The following FDXACB1 variants were observed in gnomAD, a reference collection of about 807,000 sequenced individuals.
FDXACB1 encodes the protein ferredoxin-fold anticodon binding domain containing 1.
FDXACB1 carries 41 observed loss-of-function variants against 51.7 expected under a neutral mutation model. That is an observed-to-expected ratio of 0.79 (90% CI 0.62 to 1.03). The LOEUF (loss-of-function observed/expected upper bound fraction) is 1.03, where lower values mean the gene tolerates loss of function less well. Among genes scored for constraint, FDXACB1 ranks in the 50% least tolerant of loss-of-function variants. The pLI is 0.00. For missense variants in FDXACB1, 697 were observed against 746.4 expected, an observed-to-expected ratio of 0.93 and a Z score of 0.77; for synonymous variants, 273 against 278.6, an observed-to-expected ratio of 0.98 and a Z score of 0.20.
In FDXACB1 at chr11:111,874,757, TC is replaced by T; in HGVS notation, c.*164del. On this transcript the variant is annotated 3_prime_UTR_variant, in exon 5 of 5. Coordinates refer to ENST00000260257, the MANE Select transcript of FDXACB1 (RefSeq NM_138378.3). ...GCCTGGGCGGCAGAGCAAGACTCCGTCTCAAAAAAAAAAAAAAAAAAAGATC... is the reference window on the plus strand; with the variant it reads ...GCCTGGGCGGCAGAGCAAGACTCCGTTCAAAAAAAAAAAAAAAAAAAGATC... 1.6e-6 allele frequency: 1 copy of T among 632,268 alleles called. No homozygotes were observed. Among genetic ancestry groups the T allele is most frequent in the African/African-American group, 2.2e-5 (1 of 44,526 alleles). 39.2% of individuals were successfully genotyped at this position (632,268 alleles called of 1,614,324 possible). A position where few individuals can be genotyped will look rare whatever the true frequency, so the allele number is the denominator to read the frequency against.
chr11:111,876,505 T>C lies in FDXACB1; in HGVS notation c.668A>G (p.Glu223Gly), dbSNP rs1004782244. The C allele has an allele frequency of 5.6e-6, 9 of 1,613,642 alleles. No individual in the cohort carries two copies. The highest frequency in any genetic ancestry group is 3.3e-5 in the Admixed American group (2 of 59,908). Residue 223 changes from glutamate to glycine, a missense_variant, in exon 4 of 5, where the codon GAA becomes GGA. Glu to Gly is a moderately conservative substitution (Grantham distance 98). Around this residue, in one of 3 missense-constraint regions of FDXACB1, gnomAD observed 538 missense variants for 592.2 expected, o/e 0.91. Coordinates refer to ENST00000260257, the MANE Select transcript of FDXACB1 (RefSeq NM_138378.3). ...CCTGTTCAACTTTCCTACAAGTGCT[T>C]CTGGTTCTGGAAAGGAAAACCACTG... Reference protein sequence around the residue: ...GNQWFSFPEPEALVGKLNRGF... With the variant: ...GNQWFSFPEPGALVGKLNRGF...
At position 111,876,839 on chromosome 11, in the gene FDXACB1, C is replaced by T. The variant is rs2137346373; in HGVS notation, c.502G>A (p.Ala168Thr). ...CCAGTGCACTTGTACCCTGCCACAGCCTTACAGCTGAATGGATACACGTCG... is the reference window on the plus strand; with the variant it reads ...CCAGTGCACTTGTACCCTGCCACAGTCTTACAGCTGAATGGATACACGTCG... ...LSDVYPFSCK[A>T]VAGYKCTGYR... is the part of the protein sequence containing the mutation. Residue 168 changes from alanine (A) to threonine (T), a missense_variant, in exon 3 of 5, where the codon GCT becomes ACT. Physicochemically the swap from Ala to Thr is moderately conservative, Grantham distance 58. Transcript: ENST00000260257. 1 of 1,613,970 alleles carries T rather than the reference C, an allele frequency of 6.2e-7. No individual in the cohort carries two copies. The highest frequency in any genetic ancestry group is 8.5e-7 in the Non-Finnish European group (1 of 1,179,880).
Position 111,876,617 on chromosome 11 carries a change from C to T in FDXACB1, c.556G>A (p.Val186Ile). ...GYRSQDKSFH[V>I]EGALNHIFTR... ...AAGATATGGTTCAAAGCACCTTCTACATGAAAGGACTTATCTTGACTCCTG... is the reference window on the plus strand; with the variant it reads ...AAGATATGGTTCAAAGCACCTTCTATATGAAAGGACTTATCTTGACTCCTG... Residue 186 changes from valine to isoleucine, a missense_variant, in exon 4 of 5, where the codon GTA (valine) becomes ATA (isoleucine). Physicochemically the swap from Val to Ile is conservative, Grantham distance 29 (BLOSUM62 3). Coordinates refer to ENST00000260257, the MANE Select transcript of FDXACB1 (RefSeq NM_138378.3). The T allele has an allele frequency of 1.2e-6, 2 of 1,613,672 alleles. No homozygotes were observed. Among genetic ancestry groups the T allele is most frequent in the Non-Finnish European group, 1.7e-6 (2 of 1,179,802 alleles).
At chr11:111,877,512 CTTTTTT>C (rs35506169) in intron 2 of FDXACB1, among the ~76,000 whole-genome samples, 8 of 106,912 alleles carry the variant, frequency 7.5e-5, no homozygotes, top group African/African-American at 2.5e-4. Flanking sequence ...CTGTTAGTTA[CTTTTTT>C]TTTTTTTTTT....
Position 111,874,809 on chromosome 11 carries a change from G to T in FDXACB1, c.*113C>A. 3.8e-5 allele frequency: 28 copies of T among 735,870 alleles called. No homozygotes were observed. The highest frequency in any genetic ancestry group is 5.8e-5 in the Non-Finnish European group (27 of 468,304). The allele number at this position is 735,870 out of a possible 1,614,324, so 45.6% of individuals were successfully genotyped here. On this transcript the variant is annotated 3_prime_UTR_variant, in exon 5 of 5. Coordinates refer to ENST00000260257, the MANE Select transcript of FDXACB1 (RefSeq NM_138378.3). ...AACGAACAGTAGCTATGGTCACAAA[G>T]TAAAAGATTTTACAAAAACAAAAAT... is the stretch of plus-strand genomic sequence containing the variant.
At position 111,879,028 on chromosome 11, in the gene FDXACB1, G is replaced by T; in HGVS notation, c.105C>A (p.Leu35=). The part of the protein sequence containing the change: ...DQSTQLTATC[L]QRPAELARDP... ...CCCGAGCCAACTCGGCCGGGCGCTG[G>T]AGGCAGGTGGCGGTAAGTTGAGTGC... The change falls in exon 1 of 5, where the codon CTC becomes CTA. Residue 35 remains leucine, a synonymous_variant. Transcript: ENST00000260257. 1 of 1,613,568 alleles carries T rather than the reference G, an allele frequency of 6.2e-7. No homozygotes were observed. Among genetic ancestry groups the T allele is most frequent in the Non-Finnish European group, 8.5e-7 (1 of 1,179,784 alleles).
Position 111,875,483 on chromosome 11 carries a change from T to C in FDXACB1, c.1314A>G (p.Lys438=). The change falls in exon 5 of 5, where the codon AAA becomes AAG. Residue 438 remains lysine, a synonymous_variant. Transcript: ENST00000260257. The part of the protein sequence containing the change: ...PESSKLSSLV[K]FVLQSNGKDY... ...CCTTTCCATTTGACTGAAGGACAAA[T>C]TTGACTAAACTGCTCAGCTTAGAGC... 1 of 1,612,494 alleles carries C rather than the reference T, an allele frequency of 6.2e-7. No homozygotes were observed. The highest frequency in any genetic ancestry group is 8.5e-7 in the Non-Finnish European group (1 of 1,179,708).
In FDXACB1 at chr11:111,878,597, G is replaced by A. The variant is rs782129411; in HGVS notation, c.288C>T (p.Gly96=). The A allele has an allele frequency of 1.9e-6, 3 of 1,601,914 alleles. No homozygotes were observed. Among genetic ancestry groups the A allele is most frequent in the Non-Finnish European group, 2.6e-6 (3 of 1,173,952 alleles). ...FIFPHCGRKA[G]VAKNRELLAK... is the part of the protein sequence containing the mutation. The stretch of plus-strand genomic sequence containing the variant: ...CAAGCAGTTCCCTGTTCTTAGCTAC[G>A]CCAGCTTTGCGTCCACAATGCGGGA... The change falls in exon 2 of 5, where the codon GGC becomes GGT. Residue 96 remains glycine (G), a synonymous_variant. Coordinates refer to ENST00000260257, the MANE Select transcript of FDXACB1 (RefSeq NM_138378.3).
In FDXACB1 at chr11:111,875,954, A is replaced by G; in HGVS notation, c.843T>C (p.Asn281=). Reference sequence around the variant, plus strand: ...AAAAAGCAGCTGACAGAAAGTCACAATTCCAGAAAGGAAGAACACTGGTAC... The same window carrying G: ...AAAAAGCAGCTGACAGAAAGTCACAGTTCCAGAAAGGAAGAACACTGGTAC... The part of the protein sequence containing the change: ...QEGTSVLPFW[N]CDFLSAAFWI... Residue 281 remains asparagine, a synonymous_variant, in exon 5 of 5, where the codon AAT becomes AAC. Coordinates refer to ENST00000260257, the MANE Select transcript of FDXACB1 (RefSeq NM_138378.3). 1.2e-6 allele frequency: 2 copies of G among 1,614,012 alleles called. No homozygotes were observed. The highest frequency in any genetic ancestry group is 8.5e-7 in the Non-Finnish European group (1 of 1,179,894).
At chr11:111,878,204 T>A (rs540698100) in intron 2 of FDXACB1, among the ~76,000 whole-genome samples, 1 of 151,988 alleles carries the variant, frequency 6.6e-6, no homozygotes, top group East Asian at 1.9e-4. Context: ...AAAATAAAAA[T>A]AAATAAAAAT....
In FDXACB1 at chr11:111,875,434, G is replaced by A. The variant is rs372105197; in HGVS notation, c.1363C>T (p.His455Tyr). ...GKDYMIRVKTHNFSPDCTEDL... is the reference protein window; with the variant it reads ...GKDYMIRVKTYNFSPDCTEDL... ...TCAGTACAATCTGGGCTAAAATTATGAGTCTTCACACGAATCATATAATCC... is the reference window on the plus strand; with the variant it reads ...TCAGTACAATCTGGGCTAAAATTATAAGTCTTCACACGAATCATATAATCC... The change falls in exon 5 of 5, where the codon CAT (histidine) becomes TAT (tyrosine). Residue 455 changes from histidine to tyrosine, a missense_variant. Transcript: ENST00000260257. The A allele has an allele frequency of 1.9e-6, 3 of 1,613,164 alleles. No homozygotes were observed. The highest frequency in any genetic ancestry group is 2.5e-6 in the Non-Finnish European group (3 of 1,179,828).
At position 111,875,422 on chromosome 11, in the gene FDXACB1, G is replaced by C. The variant is rs782289410; in HGVS notation, c.1375C>G (p.Pro459Ala). ...ATAATTAGATCCTCAGTACAATCTG[G>C]GCTAAAATTATGAGTCTTCACACGA... ...MIRVKTHNFS[P>A]DCTEDLIIGS... Residue 459 changes from proline (P) to alanine (A), a missense_variant, in exon 5 of 5, where the codon CCA becomes GCA. Pro to Ala is a conservative substitution (Grantham distance 27). Transcript: ENST00000260257. 1.2e-6 allele frequency: 2 copies of C among 1,613,242 alleles called. No homozygotes were observed. Among genetic ancestry groups the C allele is most frequent in the Admixed American group, 1.7e-5 (1 of 59,880 alleles).
intron 2 of FDXACB1, among the ~76,000 whole-genome samples, chr11:111,878,199 A>T (rs1299855775): frequency 6.6e-6 from 1 of 152,108 alleles, no homozygotes; most frequent in African/African-American, 2.4e-5. Context: ...CTCAAAAAAT[A>T]AAAATAAATA....
Position 111,879,020 on chromosome 11 carries a change from G to C in FDXACB1, c.113C>G (p.Pro38Arg). 6.2e-7 allele frequency: 1 copy of C among 1,613,330 alleles called. No individual in the cohort carries two copies. ...CAGTGGATCCCGAGCCAACTCGGCC[G>C]GGCGCTGGAGGCAGGTGGCGGTAAG... ...TQLTATCLQR[P>R]AELARDPLAW... The change falls in exon 1 of 5, where the codon CCG becomes CGG. Residue 38 changes from proline to arginine, a missense_variant. Physicochemically the swap from Pro to Arg is moderately radical, Grantham distance 103. Transcript: ENST00000260257.
chr11:111,877,147 C>T (rs1964833526), intron 2 of FDXACB1, 136 bp from the exon 3 acceptor site: 3 of 848,368 alleles, frequency 3.5e-6, no homozygotes, highest in Non-Finnish European at 5.3e-6. Context: ...TCTATTAGAC[C>T]TCAAAAAATG....
intron 4 of FDXACB1, among the ~76,000 whole-genome samples, 159 bp from the exon 5 acceptor site, chr11:111,876,263 C>T (rs782502046): frequency 6.6e-6 from 1 of 152,194 alleles, no homozygotes; most frequent in Non-Finnish European, 1.5e-5. Flanking sequence ...GAGAAACAGA[C>T]GTGTATTTCA....
intron 2 of FDXACB1, among the ~76,000 whole-genome samples, chr11:111,877,440 T>C (rs1483800660): frequency 2.0e-5 from 3 of 152,122 alleles, no homozygotes; most frequent in African/African-American, 7.2e-5. Flanking sequence ...CCTCCAATAG[T>C]ATCATGTCTT....
intron 2 of FDXACB1, among the ~76,000 whole-genome samples, chr11:111,878,178 C>G (rs995639409): frequency 3.3e-5 from 5 of 151,710 alleles, no homozygotes; most frequent in Non-Finnish European, 5.9e-5. Context: ...GGCGACAGGG[C>G]GAGACTCTGT....
Position 111,875,721 on chromosome 11 carries a change from A to G in FDXACB1, c.1076T>C (p.Ile359Thr), listed in dbSNP as rs1964799077. 6.2e-7 allele frequency: 1 copy of G among 1,613,692 alleles called. No individual in the cohort carries two copies. Among genetic ancestry groups the G allele is most frequent in the African/African-American group, 1.3e-5 (1 of 75,016 alleles). The change falls in exon 5 of 5, where the codon ATC (isoleucine) becomes ACC (threonine). Residue 359 changes from isoleucine (I) to threonine (T), a missense_variant. Coordinates refer to ENST00000260257, the MANE Select transcript of FDXACB1 (RefSeq NM_138378.3). ...PSLLVHVQDV[I>T]EVPDFLSGSL... is the part of the protein sequence containing the mutation. ...ACCTGAGAGGAAGTCTGGTACTTCG[A>G]TGACATCCTGAACATGCACTAGGAG...
Sources: gnomAD v4.1 joint callset for allele counts (sites outside exome capture counted in the v4.1 genomes callset) on GRCh38, gnomAD v4.1.1 for gene constraint, gnomAD v4.1.1 regional missense constraint, MANE v1.5 for transcripts, NCBI Gene and HGNC (gene_info 2026-07-23, HGNC 2026-07-21) for gene names.